SLC25A48: variants seen among roughly 807,000 people sequenced by gnomAD.
The protein encoded by SLC25A48 is CTC-321K16.1.
Under a neutral mutation model 32.2 loss-of-function variants are expected in SLC25A48, and 29 were observed. The ratio of observed to expected loss-of-function variants is 0.90; its 90% CI spans 0.67 to 1.23. The LOEUF (loss-of-function observed/expected upper bound fraction) is 1.23, where lower values mean the gene tolerates loss of function less well. Among genes scored for constraint, SLC25A48 ranks in the 50% most tolerant of loss-of-function variants. The probability of loss-of-function intolerance (pLI) is 0.00; values close to 1 mark genes in which losing one functional copy is unlikely to be tolerated. For missense variants in SLC25A48, 399 were observed against 422.7 expected (o/e 0.94, Z 0.49); for synonymous variants, 164 against 172.3 (o/e 0.95, Z 0.38).
At chr5:135,640,115 A>G (rs1481784218) in intron 3 of SLC25A48, among the ~76,000 whole-genome samples, 2 of 152,232 alleles carry the variant, frequency 1.3e-5, no homozygotes, top group African/African-American at 4.8e-5. Context: ...GAAAAGCACA[A>G]TATCTAAAAT....
intron 2 of SLC25A48, among the ~76,000 whole-genome samples, chr5:135,631,708 A>G (rs531318077): frequency 4.6e-5 from 7 of 152,204 alleles, no homozygotes; most frequent in Non-Finnish European, 1.0e-4. Flanking sequence ...ATCGCAGAAG[A>G]GTGGAACAGG....
chr5:135,794,700 A>G (rs1383060106), intron 3 of SLC25A48, among the ~76,000 whole-genome samples: 1 of 150,534 alleles, frequency 6.6e-6, no homozygotes, highest in Non-Finnish European at 1.5e-5. Flanking sequence ...GGAGAGGATG[A>G]CATTACTTAA....
At chr5:135,855,249 C>T (rs1760216186) in intron 4 of SLC25A48, among the ~76,000 whole-genome samples, 1 of 152,174 alleles carries the variant, frequency 6.6e-6, no homozygotes. Context: ...CCTTGCTGGA[C>T]TCAAGCTGAC....
intron 1 of SLC25A48, among the ~76,000 whole-genome samples, chr5:135,836,968 C>CCCCT (rs1758568315): frequency 6.4e-5 from 1 of 15,698 alleles, no homozygotes; most frequent in African/African-American, 1.6e-4. Context: ...ATCCCCCCCC[C>CCCCT]CACCCCCCCC....
chr5:135,584,347 C>T (rs141723817), intron 1 of SLC25A48, among the ~76,000 whole-genome samples: 21 of 152,316 alleles, frequency 1.4e-4, no homozygotes, highest in Non-Finnish European at 3.1e-4. Context: ...AAGGACAATT[C>T]AGGAGAAAAA....
chr5:135,642,669 A>G (rs1283785169), intron 3 of SLC25A48, among the ~76,000 whole-genome samples: 1 of 152,192 alleles, frequency 6.6e-6, no homozygotes, highest in Non-Finnish European at 1.5e-5. Context: ...AGATGAATCC[A>G]AGGGAAATGT....
At chr5:135,599,033 C>A (rs1751725124) in intron 1 of SLC25A48, among the ~76,000 whole-genome samples, 2 of 151,868 alleles carry the variant, frequency 1.3e-5, no homozygotes, top group Non-Finnish European at 2.9e-5. Flanking sequence ...GTCTGACCTC[C>A]CTTCTCGTCA....
At chr5:135,600,482 A>T (rs993575332) in intron 1 of SLC25A48, among the ~76,000 whole-genome samples, 4 of 152,106 alleles carry the variant, frequency 2.6e-5, no homozygotes, top group African/African-American at 7.2e-5. Flanking sequence ...TCCTGCTCAG[A>T]ATTGTGCCCA....
chr5:135,647,889 C>T (rs1753009465), intron 3 of SLC25A48, among the ~76,000 whole-genome samples: 1 of 152,162 alleles, frequency 6.6e-6, no homozygotes, highest in Non-Finnish European at 1.5e-5. Context: ...AATTCCACCA[C>T]TGCGCTTTAG....
intron 3 of SLC25A48, among the ~76,000 whole-genome samples, chr5:135,804,629 A>G (rs1211969140): frequency 6.6e-6 from 1 of 151,518 alleles, no homozygotes; most frequent in East Asian, 1.9e-4. Flanking sequence ...TCATGTGTTT[A>G]CACCCTGTGA....
intron 3 of SLC25A48, among the ~76,000 whole-genome samples, chr5:135,735,712 GA>G (rs1755344160): frequency 6.6e-6 from 1 of 152,128 alleles, no homozygotes; most frequent in South Asian, 2.1e-4. Context: ...TTGGGCCAGA[GA>G]AAAAATTTCC....
intron 3 of SLC25A48, among the ~76,000 whole-genome samples, chr5:135,729,590 G>T (rs1001550660): frequency 6.6e-6 from 1 of 152,168 alleles, no homozygotes; most frequent in Non-Finnish European, 1.5e-5. Context: ...CTTGGAAGGA[G>T]ACAGTTGCTT....
In SLC25A48 at chr5:135,590,484, G is replaced by T. The variant is rs77734449; in HGVS notation, c.-849+10887G>T. On this transcript the variant is annotated intron_variant, in intron 1 of 10. Transcript: ENST00000646290. ...CTGTAAAACTGCTTGGAGCCCCCAAGAATGCACCACACTCCTCTTGCAAAA... is the reference window on the plus strand; with the variant it reads ...CTGTAAAACTGCTTGGAGCCCCCAATAATGCACCACACTCCTCTTGCAAAA... Among the ~76,000 whole-genome samples, 4 of 152,170 alleles carry T rather than the reference G, an allele frequency of 2.6e-5. No individual in the cohort carries two copies. In the East Asian group the frequency reaches 7.7e-4, roughly 29 times the overall value.
intron 3 of SLC25A48, among the ~76,000 whole-genome samples, chr5:135,803,246 A>G (rs922574991): frequency 6.6e-6 from 1 of 151,208 alleles, no homozygotes; most frequent in African/African-American, 2.4e-5. Context: ...GATGTTATTT[A>G]TAATATTCTT....
Position 135,855,925 on chromosome 5 carries a change from G to A in SLC25A48, c.421+3104G>A, listed in dbSNP as rs80303041. Among the ~76,000 whole-genome samples the A allele has an allele frequency of 4.0e-4, 61 of 152,282 alleles. 1 individual carries two copies. In the East Asian group the frequency reaches 0.01, roughly 25 times the overall value. On this transcript the variant is annotated intron_variant, in intron 4 of 7. Coordinates refer to ENST00000681962, the MANE Select transcript of SLC25A48 (RefSeq NM_001349336.2). The stretch of plus-strand genomic sequence containing the variant: ...GCTTCACTTCTTGTTGTGCGATGTA[G>A]CAATTTCTGCACCACAAACCCTCAT...
At chr5:135,771,928 C>A (rs1041925233) in intron 3 of SLC25A48, among the ~76,000 whole-genome samples, 1 of 150,528 alleles carries the variant, frequency 6.6e-6, no homozygotes, top group African/African-American at 2.4e-5. Flanking sequence ...AGGTAGTGTA[C>A]AACATTCTGT....
At chr5:135,728,212 C>T (rs530811520) in intron 3 of SLC25A48, among the ~76,000 whole-genome samples, 7 of 149,792 alleles carry the variant, frequency 4.7e-5, no homozygotes, top group African/African-American at 1.2e-4. Flanking sequence ...GCTGAGATCG[C>T]GCCACTGCAC....
intron 3 of SLC25A48, among the ~76,000 whole-genome samples, chr5:135,708,685 G>A (rs1184883172): frequency 6.6e-6 from 1 of 152,208 alleles, no homozygotes; most frequent in Non-Finnish European, 1.5e-5. Context: ...ACTGGGGTAA[G>A]GGCAATGGAA....
At chr5:135,764,167 A>AT (rs1756140769) in intron 3 of SLC25A48, among the ~76,000 whole-genome samples, 1 of 152,030 alleles carries the variant, frequency 6.6e-6, no homozygotes, top group Non-Finnish European at 1.5e-5. Flanking sequence ...ATTTCTTTCC[A>AT]TATGGCAGGG....
Sources: gnomAD v4.1 joint callset for allele counts (sites outside exome capture counted in the v4.1 genomes callset) on GRCh38, gnomAD v4.1.1 for gene constraint, MANE v1.5 for transcripts, NCBI Gene and HGNC (gene_info 2026-07-23, HGNC 2026-07-21) for gene names.